The following POPDC1 variants were observed in gnomAD, a reference collection of about 807,000 sequenced individuals.
The protein encoded by POPDC1 is popeye domain-containing protein 1.
At chr6:105,100,158 C>G in the POPDC1 span, 1 of 151,928 alleles carries the variant, frequency 6.6e-6, no homozygotes. Context: ...ATACTTCTGG[C>G]CTGGGAGAAA....
chr6:105,116,000 TATAA>T, the POPDC1 span, among the ~76,000 whole-genome samples: 1 of 152,166 alleles, frequency 6.6e-6, no homozygotes, highest in East Asian at 1.9e-4. Context: ...TAGCTATTAC[TATAA>T]ATATATTATA....
At chr6:105,116,016 A>G in the POPDC1 span, among the ~76,000 whole-genome samples, 2 of 152,158 alleles carry the variant, frequency 1.3e-5, no homozygotes, top group African/African-American at 2.4e-5. Flanking sequence ...TATATTATAC[A>G]AAATCAAATA....
the POPDC1 span, among the ~76,000 whole-genome samples, chr6:105,110,980 CT>C: frequency 6.6e-6 from 1 of 152,174 alleles, no homozygotes; most frequent in Non-Finnish European, 1.5e-5. Flanking sequence ...GCCAGTGTAC[CT>C]GGCCAGTGTA....
chr6:105,103,722 T>G, the POPDC1 span, among the ~76,000 whole-genome samples: 1 of 152,310 alleles, frequency 6.6e-6, no homozygotes, highest in Non-Finnish European at 1.5e-5. Flanking sequence ...GTTTCTAGTT[T>G]TTAAGCTCAT....
At chr6:105,123,589 A>T in the POPDC1 span, among the ~76,000 whole-genome samples, 4 of 152,042 alleles carry the variant, frequency 2.6e-5, no homozygotes, top group Non-Finnish European at 4.4e-5. Context: ...TTTAGTAGAG[A>T]CGGGGTTTCA....
the POPDC1 span, among the ~76,000 whole-genome samples, chr6:105,128,363 G>C: frequency 6.6e-6 from 1 of 152,184 alleles, no homozygotes; most frequent in Non-Finnish European, 1.5e-5. Context: ...TTGCTCTCCA[G>C]TACTTTTTCT....
the POPDC1 span, among the ~76,000 whole-genome samples, chr6:105,115,219 C>A: frequency 6.6e-6 from 1 of 152,080 alleles, no homozygotes; most frequent in Non-Finnish European, 1.5e-5. Context: ...CCCGAGTAGC[C>A]AGGACTACAG....
chr6:105,111,487 C>T, the POPDC1 span, among the ~76,000 whole-genome samples: 61 of 152,206 alleles, frequency 4.0e-4, 2 homozygotes, highest in Non-Finnish European at 1.2e-4. Context: ...GTTCTCACAC[C>T]TCTCACACAT....
the POPDC1 span, among the ~76,000 whole-genome samples, chr6:105,126,254 A>G: frequency 1.6e-4 from 24 of 151,618 alleles, no homozygotes; most frequent in African/African-American, 5.8e-4. Context: ...AAAATAAAAA[A>G]AAGAAAGAAA....
the POPDC1 span, among the ~76,000 whole-genome samples, chr6:105,121,516 C>T: frequency 1.3e-5 from 2 of 152,144 alleles, no homozygotes; most frequent in Non-Finnish European, 2.9e-5. Context: ...GATCCACCCG[C>T]CTCAGCCTCC....
chr6:105,125,573 CTT>C, the POPDC1 span: 3 of 1,613,706 alleles, frequency 1.9e-6, no homozygotes, highest in African/African-American at 4.0e-5. Flanking sequence ...CCTTTTCAAT[CTT>C]TACCTGAAAT....
At chr6:105,106,209 A>C in the POPDC1 span, among the ~76,000 whole-genome samples, 1 of 152,230 alleles carries the variant, frequency 6.6e-6, no homozygotes, top group African/African-American at 2.4e-5. Flanking sequence ...AAACTGTTAA[A>C]CAGTTACGTC....
At chr6:105,136,108 A>G in the POPDC1 span, 1 of 152,266 alleles carries the variant, frequency 6.6e-6, no homozygotes, top group Non-Finnish European at 1.5e-5. Context: ...AATGAAAAAG[A>G]TAACTGCAAA....
At chr6:105,108,381 C>T in the POPDC1 span, among the ~76,000 whole-genome samples, 1 of 151,964 alleles carries the variant, frequency 6.6e-6, no homozygotes, top group African/African-American at 2.4e-5. Context: ...GATATAAGGA[C>T]AGAAAAGACA....
the POPDC1 span, chr6:105,101,064 T>C: frequency 6.3e-7 from 1 of 1,592,338 alleles, no homozygotes; most frequent in South Asian, 1.2e-5. Context: ...ACCTTCCGTC[T>C]TGGTAACCTG....
the POPDC1 span, chr6:105,097,057 A>G: frequency 6.6e-6 from 1 of 152,624 alleles, no homozygotes; most frequent in African/African-American, 2.4e-5. Flanking sequence ...TAGTACTTAA[A>G]AGCAGGTTTC....
chr6:105,120,667 A>G, the POPDC1 span, among the ~76,000 whole-genome samples: 4 of 152,334 alleles, frequency 2.6e-5, no homozygotes, highest in South Asian at 8.3e-4. Flanking sequence ...GTACTGGATC[A>G]GTTCCTCCCT....
At chr6:105,127,412 T>C in the POPDC1 span, among the ~76,000 whole-genome samples, 10 of 152,168 alleles carry the variant, frequency 6.6e-5, no homozygotes, top group Non-Finnish European at 1.0e-4. Context: ...ATATGATTTA[T>C]TCATGATCTG....
the POPDC1 span, chr6:105,125,419 C>T: frequency 2.5e-6 from 4 of 1,614,218 alleles, no homozygotes; most frequent in African/African-American, 1.3e-5. Context: ...CTCAGACGGT[C>T]ATCAACTGAG....
Sources: gnomAD v4.1 joint callset for allele counts (sites outside exome capture counted in the v4.1 genomes callset) on GRCh38, gnomAD v4.1.1 for gene constraint, MANE v1.5 for transcripts, NCBI Gene and HGNC (gene_info 2026-07-23, HGNC 2026-07-21) for gene names.